Variants in KLHDC1 observed in about 807,000 individuals in gnomAD.
The protein encoded by KLHDC1 is kelch domain-containing protein 1.
A neutral mutation model predicts 68.3 loss-of-function variants in KLHDC1; 53 were observed. The observed-to-expected ratio is 0.78, with a 90% CI of 0.62 to 0.98. The LOEUF (loss-of-function observed/expected upper bound fraction) is 0.98, where lower values mean the gene tolerates loss of function less well. Ranked by LOEUF, KLHDC1 falls within the 50% of genes least tolerant of loss-of-function variation. The pLI, the probability that KLHDC1 is intolerant of heterozygous loss-of-function variation, is 0.00. For missense variants in KLHDC1, 470 were observed against 492.3 expected, an observed-to-expected ratio of 0.95 and a Z score of 0.43; for synonymous variants, 148 against 159.0, an observed-to-expected ratio of 0.93 and a Z score of 0.52.
intron 4 of KLHDC1, among the ~76,000 whole-genome samples, chr14:49,710,931 A>G (rs1228128866): frequency 6.6e-6 from 1 of 152,064 alleles, no homozygotes; most frequent in Admixed American, 6.6e-5. Context: ...TGCTATTTGT[A>G]ACATTGTCTT....
intron 4 of KLHDC1, among the ~76,000 whole-genome samples, chr14:49,715,739 CAAAAAAAA>C (rs1168439082): frequency 2.6e-4 from 14 of 54,900 alleles, no homozygotes; most frequent in African/African-American, 7.8e-4. Context: ...GACTCTGTCT[CAAAAAAAA>C]AAAAAAAAAA....
chr14:49,693,123 C>T lies in KLHDC1; in HGVS notation c.-72C>T, dbSNP rs1275183883. 17 of 1,326,248 alleles carry T rather than the reference C, an allele frequency of 1.3e-5. No homozygotes were observed. Among genetic ancestry groups the T allele is most frequent in the Non-Finnish European group, 1.7e-5 (16 of 965,528 alleles). 82.2% of individuals were successfully genotyped at this position (1,326,248 alleles called of 1,614,324 possible). On this transcript the variant is annotated 5_prime_UTR_variant, in exon 1 of 13. Coordinates refer to ENST00000359332, the MANE Select transcript of KLHDC1 (RefSeq NM_172193.3). ...GCGTTCCGTTCGTGCGTGGAGCAGT[C>T]GGGGCTGGAGGCGAGGCCGCCGGGC...
At chr14:49,697,408 C>T (rs1395939327) in intron 1 of KLHDC1, among the ~76,000 whole-genome samples, 1 of 152,146 alleles carries the variant, frequency 6.6e-6, no homozygotes, top group Non-Finnish European at 1.5e-5. Context: ...AGTAATATAT[C>T]AAAGATCATT....
At chr14:49,746,066 A>G (rs994415915) in intron 12 of KLHDC1, among the ~76,000 whole-genome samples, 1 of 152,100 alleles carries the variant, frequency 6.6e-6, no homozygotes, top group Non-Finnish European at 1.5e-5. Flanking sequence ...AGGAAGGGAG[A>G]TGGAGATATT....
At position 49,749,299 on chromosome 14, in the gene KLHDC1, T is replaced by C. The variant is rs1451952015; in HGVS notation, c.1035-2287T>C. 2.0e-5 allele frequency among the ~76,000 whole-genome samples: 3 copies of C among 152,126 alleles called. No homozygotes were observed. The East Asian group carries it at 5.8e-4, about 29-fold the overall frequency. On this transcript the variant is annotated intron_variant, in intron 12 of 12. Transcript: ENST00000359332. Reference sequence around the variant, plus strand: ...TATGCAGTCTGTTTTGTAATATCTTTCATGTAAATAATCATTCAGTATAAT... The same window carrying C: ...TATGCAGTCTGTTTTGTAATATCTTCCATGTAAATAATCATTCAGTATAAT...
chr14:49,694,972 A>G (rs1352279650), intron 1 of KLHDC1, among the ~76,000 whole-genome samples: 2 of 152,248 alleles, frequency 1.3e-5, no homozygotes, highest in African/African-American at 4.8e-5. Context: ...GTCTTCCTCT[A>G]TGTAGTTGGC....
intron 9 of KLHDC1, among the ~76,000 whole-genome samples, chr14:49,733,455 T>A (rs74449318): frequency 6.8e-6 from 1 of 147,852 alleles, no homozygotes; most frequent in East Asian, 2.0e-4. Flanking sequence ...TGAGATGGAG[T>A]CTTGCTCTGT....
intron 7 of KLHDC1, 140 bp downstream of exon 7, chr14:49,729,149 A>G (rs1303976136): frequency 9.4e-6 from 6 of 639,616 alleles, no homozygotes; most frequent in Non-Finnish European, 1.7e-5. Context: ...TTTATCTTCT[A>G]ATTCATAAAC....
chr14:49,713,850 A>ATTTTTTTTTTTTTTTT (rs869250721), intron 4 of KLHDC1, among the ~76,000 whole-genome samples: 4 of 50,220 alleles, frequency 8.0e-5, no homozygotes, highest in Non-Finnish European at 9.8e-5. Flanking sequence ...ATATATATAT[A>ATTTTTTTTTTTTTTTT]TTTTTTTTTT....
Position 49,693,202 on chromosome 14 carries a change from ACT to A in KLHDC1, c.12_13del (p.Gln5AlafsTer30), listed in dbSNP as rs1488777190. Reference sequence around the variant, plus strand: ...GGGCCAGCGACGGCGCGAATGGCGGACTCTCAGCTGTTCTGTGTGGCGGAGGA... The same window carrying A: ...GGGCCAGCGACGGCGCGAATGGCGGACTCAGCTGTTCTGTGTGGCGGAGGA... On this transcript the variant is annotated frameshift_variant, in exon 1 of 13. Transcript: ENST00000359332. LOFTEE classifies it high-confidence loss of function. 6.3e-7 allele frequency: 1 copy of A among 1,582,222 alleles called. No individual in the cohort carries two copies. The highest frequency in any genetic ancestry group is 8.6e-7 in the Non-Finnish European group (1 of 1,166,178).
chr14:49,711,136 G>T (rs1395228831), intron 4 of KLHDC1, among the ~76,000 whole-genome samples: 10 of 152,080 alleles, frequency 6.6e-5, no homozygotes, highest in African/African-American at 2.4e-4. Flanking sequence ...GGGATTACAG[G>T]TGCCTGCCAC....
chr14:49,713,731 CA>C (rs1888269619), intron 4 of KLHDC1, among the ~76,000 whole-genome samples: 2 of 143,522 alleles, frequency 1.4e-5, no homozygotes, highest in African/African-American at 5.2e-5. Flanking sequence ...ACTAAAAAGA[CA>C]AATCGTTAAC....
intron 8 of KLHDC1, among the ~76,000 whole-genome samples, chr14:49,730,678 G>T (rs1188953152): frequency 6.6e-6 from 1 of 152,108 alleles, no homozygotes; most frequent in East Asian, 1.9e-4. Flanking sequence ...ATTTTTAAAA[G>T]ATGTTCAACC....
intron 1 of KLHDC1, among the ~76,000 whole-genome samples, chr14:49,696,267 G>C (rs1397297184): frequency 6.6e-6 from 1 of 151,512 alleles, no homozygotes; most frequent in East Asian, 2.0e-4. Flanking sequence ...CGCCTTCTGA[G>C]CTCAAGCAAT....
rs1193858069 is a variant in KLHDC1 at position 49,725,671 on chromosome 14, A to C, written c.484-15A>C. 1.5e-6 allele frequency: 2 copies of C among 1,332,798 alleles called. No homozygotes were observed. The highest frequency in any genetic ancestry group is 3.0e-5 in the African/African-American group (2 of 67,514). 82.6% of individuals were successfully genotyped at this position (1,332,798 alleles called of 1,614,324 possible). A position where few individuals can be genotyped will look rare whatever the true frequency, so the allele number is the denominator to read the frequency against. On this transcript the variant is annotated splice_polypyrimidine_tract_variant and intron_variant, in intron 5 of 12. Coordinates refer to ENST00000359332, the MANE Select transcript of KLHDC1 (RefSeq NM_172193.3). ...TTATTAAAGCTTTGAGATATTTAAAACATTTCTCTTTTAGGAAGAGCAGAT... is the reference window on the plus strand; with the variant it reads ...TTATTAAAGCTTTGAGATATTTAAACCATTTCTCTTTTAGGAAGAGCAGAT...
chr14:49,697,215 G>A (rs567124050), intron 1 of KLHDC1, among the ~76,000 whole-genome samples: 29 of 152,342 alleles, frequency 1.9e-4, no homozygotes, highest in African/African-American at 5.0e-4. Flanking sequence ...GATTATAGGC[G>A]TGAGCCACCA....
intron 4 of KLHDC1, among the ~76,000 whole-genome samples, chr14:49,717,612 C>G (rs2139746509): frequency 6.6e-6 from 1 of 152,096 alleles, no homozygotes; most frequent in African/African-American, 2.4e-5. Flanking sequence ...GTGTTGATCC[C>G]TTATCAGATA....
chr14:49,705,945 A>G (rs1888040390), intron 1 of KLHDC1, among the ~76,000 whole-genome samples: 1 of 152,250 alleles, frequency 6.6e-6, no homozygotes, highest in Non-Finnish European at 1.5e-5. Context: ...GTCACATCAT[A>G]TAAAATGGGG....
chr14:49,750,803 G>A (rs1889305171), intron 12 of KLHDC1, among the ~76,000 whole-genome samples: 1 of 152,052 alleles, frequency 6.6e-6, no homozygotes, highest in East Asian at 1.9e-4. Flanking sequence ...TAGTCTAATG[G>A]AATCAAAGGG....
Sources: allele counts gnomAD v4.1 joint callset (sites outside exome capture counted in the v4.1 genomes callset), GRCh38; gene constraint gnomAD v4.1.1; transcripts MANE v1.5; gene names NCBI Gene and HGNC (gene_info 2026-07-23, HGNC 2026-07-21).